ESPL1: variants seen among roughly 807,000 people sequenced by gnomAD.
The protein encoded by ESPL1 is separin.
Under a neutral mutation model 217.2 loss-of-function variants are expected in ESPL1, and 50 were observed. That is an observed-to-expected ratio of 0.23 (90% CI 0.18 to 0.29). The LOEUF (loss-of-function observed/expected upper bound fraction) is 0.29, where lower values mean the gene tolerates loss of function less well. Among genes scored for constraint, ESPL1 ranks in the 10% least tolerant of loss-of-function variants. The probability of loss-of-function intolerance (pLI) is 1.00; values close to 1 mark genes in which losing one functional copy is unlikely to be tolerated. For synonymous variants in ESPL1, 994 were observed against 1,081.3 expected, an observed-to-expected ratio of 0.92 and a Z score of 1.58; for missense variants, 1,834 against 2,603.0, an observed-to-expected ratio of 0.70 and a Z score of 6.43.
chr12:53,293,265 T>A lies in ESPL1; in HGVS notation c.6162-8T>A, dbSNP rs1944093964. 6.2e-7 allele frequency: 1 copy of A among 1,612,118 alleles called. No individual in the cohort carries two copies. The stretch of plus-strand genomic sequence containing the variant: ...CTTACTTTGTATTTCCTCCTTTTCT[T>A]TTCCCAGCCCCTTGTTTCTGGGTAA... On this transcript the variant is annotated splice_polypyrimidine_tract_variant and splice_region_variant and intron_variant, in intron 30 of 30. Coordinates refer to ENST00000257934, the MANE Select transcript of ESPL1 (RefSeq NM_012291.5). The surrounding 1 kb of genome is among the most constrained non-coding windows in gnomAD (Gnocchi z 4.2).
chr12:53,290,556 T>A, intron 24 of ESPL1, 87 bp downstream of exon 24: 1 of 1,431,370 alleles, frequency 7.0e-7, no homozygotes, highest in Non-Finnish European at 9.7e-7. Context: ...CCTGGGTCAG[T>A]GCTAAAGCCA....
chr12:53,281,187 G>C (rs1391689718), intron 12 of ESPL1, among the ~76,000 whole-genome samples: 2 of 140,460 alleles, frequency 1.4e-5, no homozygotes, highest in Non-Finnish European at 3.0e-5. Flanking sequence ...GCCCAGGCTG[G>C]AGTGCAGTGG....
At chr12:53,280,450 C>A (rs974889426) in intron 12 of ESPL1, among the ~76,000 whole-genome samples, 1 of 146,612 alleles carries the variant, frequency 6.8e-6, no homozygotes, top group Non-Finnish European at 1.5e-5. Context: ...TTAGTGGTGT[C>A]ATTTCCATTT....
At chr12:53,290,541 G>C in intron 24 of ESPL1, 72 bp downstream of exon 24, 2 of 1,559,298 alleles carry the variant, frequency 1.3e-6, no homozygotes, top group Non-Finnish European at 1.8e-6. Context: ...TTCTCTACCA[G>C]ACGGCCTGGG....
intron 8 of ESPL1, 53 bp from the exon 9 acceptor site, chr12:53,277,030 G>A (rs941546406): frequency 4.4e-5 from 70 of 1,593,052 alleles, no homozygotes; most frequent in Non-Finnish European, 5.6e-5. Context: ...TTCCCAGGGC[G>A]CTATGGCAGA....
chr12:53,271,422 A>G (rs899075619), intron 5 of ESPL1, among the ~76,000 whole-genome samples: 1 of 151,958 alleles, frequency 6.6e-6, no homozygotes, highest in Admixed American at 6.6e-5. Context: ...ATGTCTGGCC[A>G]TATTGTCCAG....
Position 53,269,736 on chromosome 12 carries a change from G to A in ESPL1, c.794G>A (p.Ser265Asn). 1 of 1,614,172 alleles carries A rather than the reference G, an allele frequency of 6.2e-7. No individual in the cohort carries two copies. Among genetic ancestry groups the A allele is most frequent in the Non-Finnish European group, 8.5e-7 (1 of 1,180,034 alleles). Residue 265 changes from serine (S) to asparagine (N), a missense_variant, in exon 3 of 31, where the codon AGC becomes AAC. Transcript: ENST00000257934. This position sits in a 1 kb window ranked among gnomAD's most constrained non-coding sequence, Gnocchi z 6.7. ...TLEHCRRFCW[S>N]RHHDKAISAV... is the part of the protein sequence containing the mutation. ...GAACACTGCCGTCGCTTTTGCTGGA[G>A]CCGCCACCATGACAAAGCCATCAGC...
In ESPL1 at chr12:53,293,548, G is replaced by A. The variant is rs1243514606; in HGVS notation, c.*74G>A. 1.7e-5 allele frequency: 19 copies of A among 1,145,980 alleles called. No individual in the cohort carries two copies. The highest frequency in any genetic ancestry group is 2.2e-5 in the Non-Finnish European group (17 of 772,516). 71.0% of individuals were successfully genotyped at this position (1,145,980 alleles called of 1,614,324 possible). The stretch of plus-strand genomic sequence containing the variant: ...CTCCAAGGTTAGATTTAATCCTTAG[G>A]ATAACTCTTTTAAAGTGATTTTCCC... On this transcript the variant is annotated 3_prime_UTR_variant, in exon 31 of 31. Transcript: ENST00000257934. This position sits in a 1 kb window ranked among gnomAD's most constrained non-coding sequence, Gnocchi z 4.2.
intron 11 of ESPL1, 77 bp downstream of exon 11, chr12:53,278,037 C>A: frequency 6.9e-7 from 1 of 1,451,832 alleles, no homozygotes. Flanking sequence ...CTTCTTTGGC[C>A]TGTGATCCTC....
chr12:53,269,003 CAT>C lies in ESPL1; in HGVS notation c.82-18_82-17del, dbSNP rs1592473622. ...CTTTCCTGCCTTTGCTAGCCCCATT[CAT>C]ATCTTTCTCTACTCCTAGGAGTTCC... On this transcript the variant is annotated intron_variant, in intron 2 of 30. Coordinates refer to ENST00000257934, the MANE Select transcript of ESPL1 (RefSeq NM_012291.5). This position sits in a 1 kb window ranked among gnomAD's most constrained non-coding sequence, Gnocchi z 6.7. 6.3e-7 allele frequency: 1 copy of C among 1,592,058 alleles called. No individual in the cohort carries two copies. The highest frequency in any genetic ancestry group is 8.6e-7 in the Non-Finnish European group (1 of 1,162,862).
chr12:53,269,162 C>T lies in ESPL1; in HGVS notation c.220C>T (p.Leu74=), dbSNP rs907334120. 1.7e-5 allele frequency: 28 copies of T among 1,614,220 alleles called. No individual in the cohort carries two copies. Among genetic ancestry groups the T allele is most frequent in the Non-Finnish European group, 2.3e-5 (27 of 1,180,036 alleles). ...AGCTTGCCCTAGGCATCTGGGGAGC[C>T]TGCTGGAGCTGGCAGAGCTGGCCTG... The part of the protein sequence containing the change: ...KLACPRHLGS[L]LELAELACDG... Residue 74 remains leucine, a synonymous_variant, in exon 3 of 31, where the codon CTG becomes TTG. Coordinates refer to ENST00000257934, the MANE Select transcript of ESPL1 (RefSeq NM_012291.5). The surrounding 1 kb of genome is among the most constrained non-coding windows in gnomAD (Gnocchi z 6.7).
In ESPL1 at chr12:53,292,503, C is replaced by G; in HGVS notation, c.5913-71C>G. 2.1e-6 allele frequency: 3 copies of G among 1,417,378 alleles called. No individual in the cohort carries two copies. In the Admixed American group the frequency reaches 5.0e-5, roughly 24 times the overall value. 87.8% of individuals were successfully genotyped at this position (1,417,378 alleles called of 1,614,324 possible). A position where few individuals can be genotyped will look rare whatever the true frequency, so the allele number is the denominator to read the frequency against. On this transcript the variant is annotated intron_variant, in intron 28 of 30. Coordinates refer to ENST00000257934, the MANE Select transcript of ESPL1 (RefSeq NM_012291.5). This position sits in a 1 kb window ranked among gnomAD's most constrained non-coding sequence, Gnocchi z 4.5. ...TGCAGCCCACCTTCTATCTAATGAT[C>G]CCTCTGCTGTCTTTGCCACCTGACC... is the stretch of plus-strand genomic sequence containing the variant.
rs1282999488 is a variant in ESPL1, at chr12:53,293,011, C to T, written c.6161+41C>T. The T allele has an allele frequency of 3.8e-6, 6 of 1,565,812 alleles. No homozygotes were observed. The highest frequency in any genetic ancestry group is 1.4e-5 in the African/African-American group (1 of 73,982). Reference sequence around the variant, plus strand: ...CAAGACCCATCCTAGGGCATTAGGACTCCTGCCCTCACCCCAGGTTCTTTC... The same window carrying T: ...CAAGACCCATCCTAGGGCATTAGGATTCCTGCCCTCACCCCAGGTTCTTTC... On this transcript the variant is annotated intron_variant, in intron 30 of 30. Transcript: ENST00000257934. This position sits in a 1 kb window ranked among gnomAD's most constrained non-coding sequence, Gnocchi z 4.2.
At chr12:53,276,485 C>A in intron 7 of ESPL1, 135 bp from the exon 8 acceptor site, 1 of 1,001,090 alleles carries the variant, frequency 1.0e-6, no homozygotes, top group Non-Finnish European at 1.4e-6. Context: ...GCAATGCAAT[C>A]TGATTTAAAT....
intron 12 of ESPL1, 129 bp from the exon 13 acceptor site, chr12:53,281,378 A>G: frequency 1.3e-6 from 1 of 798,898 alleles, no homozygotes; most frequent in South Asian, 1.6e-5. Flanking sequence ...ACCTCAGGTG[A>G]TCCGCCCACC....
chr12:53,290,034 A>T, intron 22 of ESPL1, 51 bp from the exon 23 acceptor site: 1 of 1,588,794 alleles, frequency 6.3e-7, no homozygotes, highest in Non-Finnish European at 8.6e-7. Context: ...CAAGACAGGG[A>T]AGGGAATTCC....
chr12:53,270,332 C>T (rs762307372), intron 3 of ESPL1, 46 bp from the exon 4 acceptor site: 1 of 1,374,738 alleles, frequency 7.3e-7, no homozygotes, highest in Non-Finnish European at 1.0e-6. Context: ...GCTTGGAGCC[C>T]TCTTTATCTC....
Position 53,286,858 on chromosome 12 carries a change from G to C in ESPL1, c.4122G>C (p.Lys1374Asn). 2 of 1,613,662 alleles carry C rather than the reference G, an allele frequency of 1.2e-6. No individual in the cohort carries two copies. The highest frequency in any genetic ancestry group is 1.7e-6 in the Non-Finnish European group (2 of 1,179,878). The part of the protein sequence containing the change: ...VFEEVCPTES[K>N]PEVPQAPRVQ... ...AGGAAGTCTGCCCTACAGAGAGCAA[G>C]CCTGAAGTACCCCAGGCCCCCAGGG... The change falls in exon 18 of 31, where the codon AAG becomes AAC. Residue 1374 changes from lysine to asparagine, a missense_variant. By Grantham distance (94) the Lys-to-Asn change is moderately conservative. Around this residue, in one of 5 missense-constraint regions of ESPL1, gnomAD observed 681 missense variants for 808.0 expected, o/e 0.84. Transcript: ENST00000257934. The surrounding 1 kb of genome is among the most constrained non-coding windows in gnomAD (Gnocchi z 5.3).
Position 53,272,786 on chromosome 12 carries a change from A to G in ESPL1, c.1435A>G (p.Ile479Val), listed in dbSNP as rs1943697475. 1 of 1,614,116 alleles carries G rather than the reference A, an allele frequency of 6.2e-7. No individual in the cohort carries two copies. Among genetic ancestry groups the G allele is most frequent in the Non-Finnish European group, 8.5e-7 (1 of 1,180,026 alleles). The change falls in exon 6 of 31, where the codon ATC (isoleucine) becomes GTC (valine). Residue 479 changes from isoleucine to valine, a missense_variant. By Grantham distance (29) the Ile-to-Val change is conservative. Transcript: ENST00000257934. ...SHKLYAEACAISEPLCQHLGL... is the reference protein window; with the variant it reads ...SHKLYAEACAVSEPLCQHLGL... ...CAAGCTCTATGCCGAGGCCTGTGCC[A>G]TCTCTGAGCCGCTCTGTCAGCACCT...
Sources: allele counts gnomAD v4.1 joint callset (sites outside exome capture counted in the v4.1 genomes callset), GRCh38; gene constraint gnomAD v4.1.1; regional missense constraint gnomAD v4.1.1; non-coding constraint Gnocchi (gnomAD v3.1); transcripts MANE v1.5; gene names NCBI Gene and HGNC (gene_info 2026-07-23, HGNC 2026-07-21).